The following PHAF1 variants were observed in gnomAD, a reference collection of about 807,000 sequenced individuals.
PHAF1 encodes phagosome assembly factor 1.
Under a neutral mutation model 63.1 loss-of-function variants are expected in PHAF1, and 23 were observed. That is an observed-to-expected ratio of 0.36 (90% CI 0.26 to 0.52). PHAF1 has a LOEUF of 0.52. PHAF1 is among the 20% of genes least tolerant of loss of function. The probability of loss-of-function intolerance (pLI) is 0.93; values close to 1 mark genes in which losing one functional copy is unlikely to be tolerated. For missense variants in PHAF1, 427 were observed against 517.2 expected, an observed-to-expected ratio of 0.83 and a Z score of 1.69; for synonymous variants, 167 against 185.0, an observed-to-expected ratio of 0.90 and a Z score of 0.79.
intron 1 of PHAF1, among the ~76,000 whole-genome samples, chr16:67,111,170 G>T (rs929440320): frequency 6.6e-6 from 1 of 152,186 alleles, no homozygotes; most frequent in African/African-American, 2.4e-5. Flanking sequence ...CCTAAACCCA[G>T]ACCTCAGTTG....
rs777757161 is a variant in PHAF1, at chr16:67,144,386, C to T, written c.962+10C>T. 4 of 1,567,456 alleles carry T rather than the reference C, an allele frequency of 2.6e-6. No homozygotes were observed. The highest frequency in any genetic ancestry group is 1.7e-5 in the Admixed American group (1 of 59,908). On this transcript the variant is annotated intron_variant, in intron 11 of 15. Transcript: ENST00000219139. ...ATTATAATTTCAACATGTGAGTACACCTGTCTGTACCTCCCCTCTGTGAAG... is the reference window on the plus strand; with the variant it reads ...ATTATAATTTCAACATGTGAGTACATCTGTCTGTACCTCCCCTCTGTGAAG...
chr16:67,117,778 AAG>A (rs1442100465), intron 1 of PHAF1, among the ~76,000 whole-genome samples: 1 of 151,086 alleles, frequency 6.6e-6, no homozygotes, highest in Non-Finnish European at 1.5e-5. Flanking sequence ...AAAAAAAAAA[AAG>A]AGATATTCAG....
chr16:67,136,201 G>T (rs1308623103), intron 8 of PHAF1: 1 of 152,244 alleles, frequency 6.6e-6, no homozygotes, highest in Admixed American at 6.5e-5. Flanking sequence ...CTACTCAGGA[G>T]GCTGAGACAG....
chr16:67,118,015 C>T (rs1007773967), intron 1 of PHAF1, among the ~76,000 whole-genome samples: 17 of 147,406 alleles, frequency 1.2e-4, no homozygotes, highest in East Asian at 2.0e-4. Flanking sequence ...AGTGCAGTGG[C>T]GCAATCTTGG....
At chr16:67,122,726 T>C (rs1963034165) in intron 2 of PHAF1, among the ~76,000 whole-genome samples, 1 of 152,116 alleles carries the variant, frequency 6.6e-6, no homozygotes, top group African/African-American at 2.4e-5. Flanking sequence ...GAATAATCTT[T>C]GGGTTTGTTT....
At chr16:67,125,610 C>T (rs903473102) in intron 2 of PHAF1, among the ~76,000 whole-genome samples, 2 of 152,170 alleles carry the variant, frequency 1.3e-5, no homozygotes, top group African/African-American at 2.4e-5. Flanking sequence ...TCTGTAGGTT[C>T]GATGGCAGTG....
Sources: gnomAD v4.1 joint callset for allele counts (sites outside exome capture counted in the v4.1 genomes callset) on GRCh38, gnomAD v4.1.1 for gene constraint, MANE v1.5 for transcripts, NCBI Gene and HGNC (gene_info 2026-07-23, HGNC 2026-07-21) for gene names.